The following NREP variants were observed in gnomAD, a reference collection of about 807,000 sequenced individuals.
The protein encoded by NREP is neuronal regeneration-related protein.
NREP carries 5 observed loss-of-function variants against 8.6 expected under a neutral mutation model. That is an observed-to-expected ratio of 0.58 (90% CI 0.30 to 1.22). The LOEUF (loss-of-function observed/expected upper bound fraction) is 1.22. NREP is among the 50% of genes most tolerant of loss of function. The pLI is 0.07. For missense variants in NREP, 86 were observed against 82.5 expected (o/e 1.04, Z -0.17); for synonymous variants, 27 against 28.0 (o/e 0.96, Z 0.11).
intron 2 of NREP, among the ~76,000 whole-genome samples, chr5:111,779,051 A>G (rs1751429498): frequency 1.3e-5 from 2 of 152,182 alleles, no homozygotes; most frequent in African/African-American, 4.8e-5. Flanking sequence ...TAACATATAT[A>G]CCCAAAAAAG....
chr5:111,941,938 C>A (rs1403167862), intron 2 of NREP, among the ~76,000 whole-genome samples: 1 of 151,970 alleles, frequency 6.6e-6, no homozygotes, highest in Non-Finnish European at 1.5e-5. Flanking sequence ...TACTTCTTAG[C>A]CTGCATTTTT....
intron 2 of NREP, among the ~76,000 whole-genome samples, chr5:111,864,441 C>T (rs76718150): frequency 6.6e-6 from 1 of 151,974 alleles, no homozygotes; most frequent in East Asian, 1.9e-4. Context: ...AGATATCACC[C>T]CCCAGAAGGG....
chr5:111,957,017 T>C lies in NREP; in HGVS notation c.135+18257A>G, dbSNP rs149755439. ...TAAATAAAATGCCAGTTAAGTACAA[T>C]GACATACAGTAGAGTGATATTTCAG... On this transcript the variant is annotated intron_variant, in intron 2 of 3. Coordinates refer to the NREP transcript ENST00000395634. Among the ~76,000 whole-genome samples, 891 of 151,022 alleles carry C rather than the reference T, an allele frequency of 5.9e-3. 8 individuals carry two copies. Among genetic ancestry groups the C allele is most frequent in the African/African-American group, 0.021 (855 of 41,282 alleles).
intron 3 of NREP, chr5:111,733,552 T>A (rs555809721): frequency 6.6e-6 from 1 of 152,182 alleles, no homozygotes; most frequent in Admixed American, 6.5e-5. Flanking sequence ...TAAAGGAATT[T>A]TAGGCTTCTG....
At chr5:111,744,942 ACAC>A (rs1345162066) in intron 2 of NREP, among the ~76,000 whole-genome samples, 1 of 152,150 alleles carries the variant, frequency 6.6e-6, no homozygotes, top group Non-Finnish European at 1.5e-5. Flanking sequence ...TGTAAACCAA[ACAC>A]CACAACTATA....
At chr5:111,735,129 A>G in intron 3 of NREP, 1 of 326,146 alleles carries the variant, frequency 3.1e-6, no homozygotes, top group East Asian at 5.6e-5. Flanking sequence ...TGATCATTGT[A>G]TTTGAGTTTG....
intron 2 of NREP, among the ~76,000 whole-genome samples, chr5:111,816,212 C>T (rs1242908481): frequency 3.3e-5 from 5 of 152,090 alleles, no homozygotes; most frequent in African/African-American, 7.2e-5. Context: ...AACAAACATA[C>T]GCAGAGTGAA....
intron 2 of NREP, among the ~76,000 whole-genome samples, chr5:111,856,564 C>T (rs547467878): frequency 6.6e-6 from 1 of 152,078 alleles, no homozygotes; most frequent in Non-Finnish European, 1.5e-5. Flanking sequence ...CATCTGAATT[C>T]CAGAGCCCAT....
chr5:111,938,384 T>C (rs1755740377), intron 2 of NREP, among the ~76,000 whole-genome samples: 1 of 152,132 alleles, frequency 6.6e-6, no homozygotes, highest in Non-Finnish European at 1.5e-5. Context: ...TTGTCAACAA[T>C]TGCATCCTAT....
At chr5:111,918,607 G>C (rs1239400202) in intron 2 of NREP, among the ~76,000 whole-genome samples, 1 of 152,230 alleles carries the variant, frequency 6.6e-6, no homozygotes, top group East Asian at 1.9e-4. Context: ...ACAGGCAATG[G>C]GGAAAGGATT....
intron 2 of NREP, among the ~76,000 whole-genome samples, chr5:111,894,168 G>A (rs1372791581): frequency 2.0e-5 from 3 of 151,930 alleles, no homozygotes; most frequent in African/African-American, 4.8e-5. Flanking sequence ...GCAGTGAGCC[G>A]AGATCACGCC....
chr5:111,876,935 C>T (rs752619107), intron 2 of NREP, among the ~76,000 whole-genome samples: 9 of 152,160 alleles, frequency 5.9e-5, no homozygotes, highest in Non-Finnish European at 1.3e-4. Context: ...GTGATAGAAT[C>T]AGAATGTAAA....
At chr5:111,736,108 G>A (rs751760160) in intron 2 of NREP, among the ~76,000 whole-genome samples, 5 of 152,210 alleles carry the variant, frequency 3.3e-5, no homozygotes, top group South Asian at 4.2e-4. Flanking sequence ...GGGGTGGAGC[G>A]AGGGAGTGGA....
intron 2 of NREP, among the ~76,000 whole-genome samples, chr5:111,792,914 C>A (rs866190544): frequency 6.6e-6 from 1 of 152,096 alleles, no homozygotes; most frequent in East Asian, 1.9e-4. Flanking sequence ...TTTCTGATGA[C>A]GTTTCTTTTT....
chr5:111,964,167 G>T (rs1467671778), intron 2 of NREP, among the ~76,000 whole-genome samples: 4 of 151,992 alleles, frequency 2.6e-5, no homozygotes. Context: ...TATTCCCCAA[G>T]AATGTATTTT....
chr5:111,902,773 T>C (rs1486164192), intron 2 of NREP, among the ~76,000 whole-genome samples: 2 of 152,158 alleles, frequency 1.3e-5, no homozygotes, highest in Non-Finnish European at 2.9e-5. Context: ...TCCTGCTCCT[T>C]CTCATCAAAC....
intron 2 of NREP, among the ~76,000 whole-genome samples, chr5:111,830,821 G>C (rs1752749499): frequency 6.6e-6 from 1 of 152,214 alleles, no homozygotes; most frequent in Non-Finnish European, 1.5e-5. Flanking sequence ...ACTGATAAGA[G>C]TTATACAGAA....
chr5:111,825,401 T>C (rs1445415919), intron 2 of NREP, among the ~76,000 whole-genome samples: 1 of 152,200 alleles, frequency 6.6e-6, no homozygotes, highest in African/African-American at 2.4e-5. Context: ...TAGCTCCCTA[T>C]GCTTTTTTCA....
chr5:111,797,229 G>C (rs945705982), intron 2 of NREP, among the ~76,000 whole-genome samples: 1 of 152,186 alleles, frequency 6.6e-6, no homozygotes, highest in Non-Finnish European at 1.5e-5. Context: ...TACCCATTAA[G>C]TTCCAGGCAC....
Sources: gnomAD v4.1 joint callset for allele counts (sites outside exome capture counted in the v4.1 genomes callset) on GRCh38, gnomAD v4.1.1 for gene constraint, MANE v1.5 for transcripts, NCBI Gene and HGNC (gene_info 2026-07-23, HGNC 2026-07-21) for gene names.